The following CDC42BPA variants were observed in gnomAD, a reference collection of about 807,000 sequenced individuals.
The protein encoded by CDC42BPA is serine/threonine-protein kinase MRCK alpha.
A neutral mutation model predicts 223.5 loss-of-function variants in CDC42BPA; 80 were observed. The observed-to-expected ratio is 0.36, with a 90% CI of 0.30 to 0.43. CDC42BPA has a LOEUF of 0.43. CDC42BPA is among the 20% of genes least tolerant of loss of function. The pLI is 1.00. For synonymous variants in CDC42BPA, 694 were observed against 718.6 expected, an observed-to-expected ratio of 0.97 and a Z score of 0.55; for missense variants, 1,743 against 2,099.9, an observed-to-expected ratio of 0.83 and a Z score of 3.32.
chr1:227,031,176 G>T, intron 28 of CDC42BPA, 122 bp downstream of exon 28: 1 of 711,448 alleles, frequency 1.4e-6, no homozygotes, highest in East Asian at 2.6e-5. Flanking sequence ...CATGTACTGA[G>T]CATTTATGAT....
At chr1:227,080,554 C>T (rs924029617) in intron 17 of CDC42BPA, among the ~76,000 whole-genome samples, 2 of 152,080 alleles carry the variant, frequency 1.3e-5, no homozygotes, top group African/African-American at 4.8e-5. Context: ...AAATACAGGA[C>T]TTTTGGTCTT....
chr1:227,305,225 T>C (rs751711483), intron 1 of CDC42BPA, among the ~76,000 whole-genome samples: 1 of 152,184 alleles, frequency 6.6e-6, no homozygotes, highest in Non-Finnish European at 1.5e-5. Flanking sequence ...TTCTGTAAAC[T>C]CGAGATTATT....
intron 5 of CDC42BPA, among the ~76,000 whole-genome samples, chr1:227,192,712 T>C (rs554236398): frequency 6.6e-6 from 1 of 152,314 alleles, no homozygotes; most frequent in East Asian, 1.9e-4. Flanking sequence ...TTTTTGTGTG[T>C]CCTTCCAAAT....
At chr1:227,061,878 C>T (rs1675985590) in intron 21 of CDC42BPA, among the ~76,000 whole-genome samples, 1 of 152,168 alleles carries the variant, frequency 6.6e-6, no homozygotes, top group Non-Finnish European at 1.5e-5. Flanking sequence ...CTGATTATTT[C>T]CAAATCTCTG....
intron 2 of CDC42BPA, among the ~76,000 whole-genome samples, chr1:227,242,148 A>G (rs1230949339): frequency 6.6e-6 from 1 of 151,860 alleles, no homozygotes; most frequent in Non-Finnish European, 1.5e-5. Context: ...TATAATATCA[A>G]TATTAGCCAA....
rs768336948 is a variant in CDC42BPA, at chr1:226,994,325, G to A, written c.5208C>T (p.Pro1736=). Residue 1736 remains proline (P), a synonymous_variant, in exon 37 of 37, where the codon CCC becomes CCT. Transcript: ENST00000366766. The surrounding 1 kb of genome is among the most constrained non-coding windows in gnomAD (Gnocchi z 4.0). ...CCAGGGAGAGGCTCTTGGTTTTTCG[G>A]GGTGAAGCTGGGCTTGGGGGGCTGC... The part of the protein sequence containing the change: ...NLSSPPSPAS[P]RKTKSLSLES... 1.9e-6 allele frequency: 3 copies of A among 1,599,128 alleles called. No individual in the cohort carries two copies. The highest frequency in any genetic ancestry group is 2.6e-6 in the Non-Finnish European group (3 of 1,171,626).
chr1:226,996,084 C>T (rs902049885), intron 35 of CDC42BPA, among the ~76,000 whole-genome samples: 1 of 152,214 alleles, frequency 6.6e-6, no homozygotes. Context: ...TTGGTAATCC[C>T]CCTTCCACCT....
chr1:227,269,448 T>C (rs1011574381), intron 1 of CDC42BPA, among the ~76,000 whole-genome samples: 50 of 152,150 alleles, frequency 3.3e-4, no homozygotes, highest in African/African-American at 9.9e-4. Flanking sequence ...TCACATAACA[T>C]TGAAATGGAA....
At chr1:227,194,080 A>G in intron 4 of CDC42BPA, 146 bp from the exon 5 acceptor site, 1 of 575,962 alleles carries the variant, frequency 1.7e-6, no homozygotes, top group Non-Finnish European at 2.9e-6. Flanking sequence ...GTGTAAGATG[A>G]TGATCAGCAG....
chr1:227,016,880 T>C (rs1469434197), intron 33 of CDC42BPA, 47 bp downstream of exon 33: 3 of 1,553,132 alleles, frequency 1.9e-6, no homozygotes, highest in East Asian at 2.3e-5. Flanking sequence ...CGAGTAGTCC[T>C]TGATGGTACA....
At chr1:227,151,057 A>T (rs1311555599) in intron 6 of CDC42BPA, among the ~76,000 whole-genome samples, 2 of 152,136 alleles carry the variant, frequency 1.3e-5, no homozygotes, top group South Asian at 4.1e-4. Context: ...GTTCAATGGC[A>T]TAAGTACCTT....
At chr1:227,149,385 T>C (rs992710984) in intron 6 of CDC42BPA, among the ~76,000 whole-genome samples, 1 of 152,152 alleles carries the variant, frequency 6.6e-6, no homozygotes, top group Non-Finnish European at 1.5e-5. Context: ...CATGCTCAAA[T>C]TTGGCAGATA....
chr1:227,281,961 G>A (rs552958041), intron 1 of CDC42BPA, among the ~76,000 whole-genome samples: 3 of 152,130 alleles, frequency 2.0e-5, no homozygotes, highest in South Asian at 2.1e-4. Flanking sequence ...AGGCTGAGGC[G>A]GGTGGATCAC....
At chr1:227,250,741 C>A (rs1160132623) in intron 2 of CDC42BPA, among the ~76,000 whole-genome samples, 1 of 151,814 alleles carries the variant, frequency 6.6e-6, no homozygotes, top group Non-Finnish European at 1.5e-5. Flanking sequence ...TTGTTATCAG[C>A]AGACTTACAC....
At chr1:227,021,793 G>T (rs1667417638) in intron 32 of CDC42BPA, among the ~76,000 whole-genome samples, 1 of 152,118 alleles carries the variant, frequency 6.6e-6, no homozygotes, top group Admixed American at 6.6e-5. Context: ...GCCAAGGTGG[G>T]TGGGACACGA....
rs147359704 is a variant in CDC42BPA, at chr1:227,287,283, G to C, written c.178+29722C>G. ...ACCTGAGACTGCTATTTCTTAGCAA[G>C]GCCTATTTGCAAGGTTGGTCTATGG... On this transcript the variant is annotated intron_variant, in intron 1 of 36. Transcript: ENST00000366766. Among the ~76,000 whole-genome samples, 590 of 152,252 alleles carry C rather than the reference G, an allele frequency of 3.9e-3. 2 individuals carry two copies. Among genetic ancestry groups the C allele is most frequent in the Non-Finnish European group, 7.2e-3 (489 of 68,016 alleles).
intron 5 of CDC42BPA, among the ~76,000 whole-genome samples, chr1:227,164,902 A>G: frequency 6.6e-6 from 1 of 152,232 alleles, no homozygotes; most frequent in South Asian, 2.1e-4. Context: ...CTTATGTTAT[A>G]TATTAGCAGC....
intron 1 of CDC42BPA, among the ~76,000 whole-genome samples, chr1:227,258,185 A>AAC (rs1230004018): frequency 6.7e-6 from 1 of 150,048 alleles, no homozygotes; most frequent in Non-Finnish European, 1.5e-5. Context: ...GGAAAAAAAA[A>AAC]AAAAAAAAAG....
At chr1:227,275,120 T>C (rs1384092487) in intron 1 of CDC42BPA, among the ~76,000 whole-genome samples, 1 of 152,152 alleles carries the variant, frequency 6.6e-6, no homozygotes. Flanking sequence ...AGAACATTTT[T>C]AAATCTTAAA....
Sources: allele counts gnomAD v4.1 joint callset (sites outside exome capture counted in the v4.1 genomes callset), GRCh38; gene constraint gnomAD v4.1.1; non-coding constraint Gnocchi (gnomAD v3.1); transcripts MANE v1.5; gene names NCBI Gene and HGNC (gene_info 2026-07-23, HGNC 2026-07-21).